FSTL4: variants seen among roughly 807,000 people sequenced by gnomAD.
FSTL4 encodes follistatin like 4.
FSTL4 carries 28 observed loss-of-function variants against 78.2 expected under a neutral mutation model. The ratio of observed to expected loss-of-function variants is 0.36; its 90% confidence interval spans 0.27 to 0.49. FSTL4 has a LOEUF of 0.49. FSTL4 is among the 20% of genes least tolerant of loss of function. The probability of loss-of-function intolerance (pLI) is 0.98; values close to 1 mark genes in which losing one functional copy is unlikely to be tolerated. For synonymous variants in FSTL4, 422 were observed against 440.5 expected, an observed-to-expected ratio of 0.96 and a Z score of 0.53; for missense variants, 922 against 1,084.9, an observed-to-expected ratio of 0.85 and a Z score of 2.11.
chr5:133,313,220 G>T (rs1169061327), intron 5 of FSTL4, among the ~76,000 whole-genome samples: 1 of 152,190 alleles, frequency 6.6e-6, no homozygotes, highest in East Asian at 1.9e-4. Context: ...TAGAGCTGGA[G>T]GTCACTGCTG....
intron 3 of FSTL4, among the ~76,000 whole-genome samples, chr5:133,566,379 C>A (rs1358216727): frequency 6.6e-6 from 1 of 152,138 alleles, no homozygotes; most frequent in East Asian, 1.9e-4. Flanking sequence ...TTGCTAATTT[C>A]TTTTAGATTG....
Position 133,338,090 on chromosome 5 carries a change from T to C in FSTL4, c.410-21438A>G, listed in dbSNP as rs1411909061. On this transcript the variant is annotated intron_variant, in intron 4 of 15. Transcript: ENST00000265342. The surrounding 1 kb of genome is among the most constrained non-coding windows in gnomAD (Gnocchi z 4.0). ...GTATCCGAGTGTGAGCTTAACTCTC[T>C]GGGTCCCTGGTGTGCACATAGGTCT... is the stretch of plus-strand genomic sequence containing the variant. 6.6e-6 allele frequency among the ~76,000 whole-genome samples: 1 copy of C among 152,168 alleles called. No individual in the cohort carries two copies. The highest frequency in any genetic ancestry group is 1.5e-5 in the Non-Finnish European group (1 of 68,024).
chr5:133,421,033 C>A (rs1756681828), intron 3 of FSTL4, among the ~76,000 whole-genome samples: 1 of 152,200 alleles, frequency 6.6e-6, no homozygotes, highest in Non-Finnish European at 1.5e-5. Flanking sequence ...TGGTCTCCCC[C>A]ACTCACCCCT....
the FSTL4 span, among the ~76,000 whole-genome samples, chr5:133,691,996 T>C: frequency 1.3e-5 from 2 of 152,150 alleles, no homozygotes; most frequent in Non-Finnish European, 2.9e-5. Context: ...TCTCATAGAA[T>C]TTACAGTCCA....
chr5:133,751,331 A>C, the FSTL4 span, among the ~76,000 whole-genome samples: 160 of 152,362 alleles, frequency 1.1e-3, 2 homozygotes, highest in Non-Finnish European at 3.2e-4. Context: ...AAGGCAGTGC[A>C]CGTTCATCAA....
At chr5:133,563,687 T>G (rs1009132289) in intron 3 of FSTL4, among the ~76,000 whole-genome samples, 4 of 152,312 alleles carry the variant, frequency 2.6e-5, no homozygotes, top group African/African-American at 9.6e-5. Flanking sequence ...AGGGCAGGGT[T>G]TGCAAAAGGC....
At chr5:133,335,159 G>A (rs1035810324) in intron 4 of FSTL4, among the ~76,000 whole-genome samples, 1 of 152,204 alleles carries the variant, frequency 6.6e-6, no homozygotes, top group African/African-American at 2.4e-5. Context: ...CAGAGGTATC[G>A]GTATGGAGGC....
intron 3 of FSTL4, among the ~76,000 whole-genome samples, chr5:133,429,169 A>C (rs1051293587): frequency 6.6e-6 from 1 of 152,162 alleles, no homozygotes; most frequent in African/African-American, 2.4e-5. Context: ...GGCTCACATC[A>C]GCAGAAATCT....
chr5:133,651,275 A>T, the FSTL4 span, among the ~76,000 whole-genome samples: 1 of 152,282 alleles, frequency 6.6e-6, no homozygotes, highest in Admixed American at 6.5e-5. Context: ...TACGATGTAG[A>T]AAAGCAGTGG....
Position 133,471,629 on chromosome 5 carries a change from G to A in FSTL4, c.161-70643C>T, listed in dbSNP as rs574289450. Among the ~76,000 whole-genome samples, 59 of 152,268 alleles carry A rather than the reference G, an allele frequency of 3.9e-4. 2 individuals carry two copies. The South Asian group carries it at 9.1e-3, about 24-fold the overall frequency. Reference sequence around the variant, plus strand: ...TTTGATGTTAGACTTCTCAGCCACCGAAATTTTAAATTTCTGTTGTTTATC... The same window carrying A: ...TTTGATGTTAGACTTCTCAGCCACCAAAATTTTAAATTTCTGTTGTTTATC... On this transcript the variant is annotated intron_variant, in intron 3 of 15. Coordinates refer to ENST00000265342, the MANE Select transcript of FSTL4 (RefSeq NM_015082.2).
intron 5 of FSTL4, among the ~76,000 whole-genome samples, chr5:133,313,285 C>T (rs1356142629): frequency 6.6e-6 from 1 of 152,198 alleles, no homozygotes; most frequent in Non-Finnish European, 1.5e-5. Flanking sequence ...TGCCTGGACA[C>T]AGCACACTCC....
intron 4 of FSTL4, among the ~76,000 whole-genome samples, chr5:133,382,894 G>A (rs544324880): frequency 6.6e-6 from 1 of 152,236 alleles, no homozygotes; most frequent in Admixed American, 6.5e-5. Context: ...AGATGAGGAG[G>A]AGTACAGGGA....
At chr5:133,659,480 G>A in the FSTL4 span, among the ~76,000 whole-genome samples, 1 of 151,376 alleles carries the variant, frequency 6.6e-6, no homozygotes, top group African/African-American at 2.4e-5. Context: ...CTATTGTTTG[G>A]TTTTTATCTT....
intron 2 of FSTL4, among the ~76,000 whole-genome samples, chr5:133,595,157 G>C (rs1436005508): frequency 1.3e-5 from 2 of 152,202 alleles, no homozygotes; most frequent in East Asian, 3.8e-4. Context: ...GAGCCAAGCA[G>C]GCCCTCAAAG....
In FSTL4 at chr5:133,492,292, T is replaced by C. The variant is rs553348013; in HGVS notation, c.160+74894A>G. 2.6e-5 allele frequency among the ~76,000 whole-genome samples: 4 copies of C among 152,214 alleles called. No individual in the cohort carries two copies. The South Asian group carries it at 8.3e-4, about 32-fold the overall frequency. ...CTTTTCTTCAGTCAACACTTACTTA[T>C]AATTATGCCTATGTTTTTGCCTATT... On this transcript the variant is annotated intron_variant, in intron 3 of 15. Coordinates refer to ENST00000265342, the MANE Select transcript of FSTL4 (RefSeq NM_015082.2).
At chr5:133,286,146 G>A (rs1753124166) in intron 6 of FSTL4, among the ~76,000 whole-genome samples, 1 of 152,200 alleles carries the variant, frequency 6.6e-6, no homozygotes, top group African/African-American at 2.4e-5. Context: ...TTAGGAGCCT[G>A]GGTTCTAATC....
chr5:133,411,471 G>C (rs1432410680), intron 3 of FSTL4, among the ~76,000 whole-genome samples: 1 of 152,110 alleles, frequency 6.6e-6, no homozygotes, highest in Non-Finnish European at 1.5e-5. Context: ...GCAATTTAAG[G>C]AGACAATGGT....
intron 3 of FSTL4, among the ~76,000 whole-genome samples, 178 bp from the exon 4 acceptor site, chr5:133,401,164 T>C (rs1427764245): frequency 6.6e-6 from 1 of 152,198 alleles, no homozygotes. Context: ...GAGGTGGTCA[T>C]TGGTGCCAAG....
chr5:133,685,897 G>T, the FSTL4 span, among the ~76,000 whole-genome samples: 1 of 152,130 alleles, frequency 6.6e-6, no homozygotes, highest in Non-Finnish European at 1.5e-5. Context: ...ACATACTCCC[G>T]ATTCATTTAT....
Sources: gnomAD v4.1 joint callset for allele counts (sites outside exome capture counted in the v4.1 genomes callset) on GRCh38, gnomAD v4.1.1 for gene constraint, Gnocchi (gnomAD v3.1) non-coding constraint, MANE v1.5 for transcripts, NCBI Gene and HGNC (gene_info 2026-07-23, HGNC 2026-07-21) for gene names.